KCNIP4: variants seen among roughly 807,000 people sequenced by gnomAD.
KCNIP4 encodes potassium voltage-gated channel interacting protein 4.
In KCNIP4, 12 loss-of-function variants were observed where a neutral mutation model predicts 34.0. The observed-to-expected ratio is 0.35, with a 90% CI of 0.23 to 0.57. The LOEUF (loss-of-function observed/expected upper bound fraction) is 0.57. Among genes scored for constraint, KCNIP4 ranks in the 20% least tolerant of loss-of-function variants. The pLI is 0.83. For synonymous variants in KCNIP4, 124 were observed against 102.2 expected, an observed-to-expected ratio of 1.21 and a Z score of -1.29; for missense variants, 238 against 311.7, an observed-to-expected ratio of 0.76 and a Z score of 1.78.
intron 1 of KCNIP4, among the ~76,000 whole-genome samples, chr4:21,302,720 C>T (rs980567694): frequency 7.9e-5 from 12 of 152,074 alleles, no homozygotes; most frequent in Non-Finnish European, 8.8e-5. Context: ...CTGCATCCCC[C>T]GCCCCATGAG....
At chr4:20,777,806 G>A (rs975074012) in intron 3 of KCNIP4, among the ~76,000 whole-genome samples, 7 of 152,204 alleles carry the variant, frequency 4.6e-5, no homozygotes, top group African/African-American at 7.2e-5. Flanking sequence ...TGGGAAACCA[G>A]TAATTAGAAA....
intron 1 of KCNIP4, among the ~76,000 whole-genome samples, chr4:21,343,744 G>A (rs866387943): frequency 3.3e-5 from 5 of 152,016 alleles, no homozygotes; most frequent in African/African-American, 7.2e-5. Flanking sequence ...CATTTTTAAA[G>A]GTCCCCTGTA....
chr4:20,965,380 T>G (rs1441174748), intron 1 of KCNIP4, among the ~76,000 whole-genome samples: 9 of 152,144 alleles, frequency 5.9e-5, no homozygotes, highest in Admixed American at 5.9e-4. Flanking sequence ...ACTGACACCA[T>G]TTATAATGAA....
At chr4:21,059,732 A>G (rs1424048119) in intron 1 of KCNIP4, among the ~76,000 whole-genome samples, 1 of 152,048 alleles carries the variant, frequency 6.6e-6, no homozygotes, top group Non-Finnish European at 1.5e-5. Flanking sequence ...AACTACAAGA[A>G]GATGTTTAAC....
intron 1 of KCNIP4, among the ~76,000 whole-genome samples, chr4:21,435,589 C>T (rs1163353849): frequency 6.6e-6 from 1 of 152,108 alleles, no homozygotes; most frequent in African/African-American, 2.4e-5. Flanking sequence ...ATGGGCAGAA[C>T]ACGGATTCTT....
At chr4:20,993,046 A>AAG (rs1414169355) in intron 1 of KCNIP4, among the ~76,000 whole-genome samples, 1 of 151,204 alleles carries the variant, frequency 6.6e-6, no homozygotes, top group Non-Finnish European at 1.5e-5. Flanking sequence ...AAAAAAAAAA[A>AAG]AAAAAGAGAG....
At chr4:21,137,476 C>T (rs533205596) in intron 1 of KCNIP4, among the ~76,000 whole-genome samples, 1 of 151,972 alleles carries the variant, frequency 6.6e-6, no homozygotes, top group Non-Finnish European at 1.5e-5. Context: ...TTTGAAGATG[C>T]CATATCTTTA....
At chr4:21,715,811 G>A (rs1324725243) in intron 1 of KCNIP4, among the ~76,000 whole-genome samples, 1 of 152,144 alleles carries the variant, frequency 6.6e-6, no homozygotes, top group Non-Finnish European at 1.5e-5. Flanking sequence ...CTTTCTTCCT[G>A]AAAATCTCTA....
intron 2 of KCNIP4, among the ~76,000 whole-genome samples, chr4:20,864,108 GTA>G (rs879755355): frequency 0.022 from 3,266 of 150,212 alleles, 41 homozygotes; most frequent in Non-Finnish European, 0.033. Context: ...ACGTATGTAT[GTA>G]TACATATCCA....
chr4:21,133,753 A>G (rs1751282502), intron 1 of KCNIP4, among the ~76,000 whole-genome samples: 1 of 152,152 alleles, frequency 6.6e-6, no homozygotes, highest in African/African-American at 2.4e-5. Flanking sequence ...ATCTCAGTGA[A>G]ACTCATGAGA....
intron 1 of KCNIP4, among the ~76,000 whole-genome samples, chr4:21,529,212 A>G (rs1030196567): frequency 6.6e-6 from 1 of 152,190 alleles, no homozygotes; most frequent in Non-Finnish European, 1.5e-5. Flanking sequence ...GACCCCTACT[A>G]TAGACAAATG....
intron 1 of KCNIP4, among the ~76,000 whole-genome samples, chr4:21,652,684 A>G (rs1317983630): frequency 6.6e-6 from 1 of 152,204 alleles, no homozygotes; most frequent in African/African-American, 2.4e-5. Flanking sequence ...AGCCTGGTAC[A>G]TGTTTTAACT....
At chr4:21,571,998 T>A (rs1740402470) in intron 1 of KCNIP4, among the ~76,000 whole-genome samples, 1 of 152,146 alleles carries the variant, frequency 6.6e-6, no homozygotes, top group South Asian at 2.1e-4. Flanking sequence ...TATAGGTATT[T>A]TAGATATATA....
intron 1 of KCNIP4, among the ~76,000 whole-genome samples, chr4:21,856,581 G>T (rs1238463402): frequency 6.6e-6 from 1 of 152,170 alleles, no homozygotes; most frequent in Non-Finnish European, 1.5e-5. Context: ...CCCAGCTGTG[G>T]CTGCAGACCT....
chr4:21,282,386 T>C (rs1048880207), intron 1 of KCNIP4, among the ~76,000 whole-genome samples: 4 of 152,168 alleles, frequency 2.6e-5, no homozygotes, highest in Non-Finnish European at 4.4e-5. Flanking sequence ...AGTTCAGGAC[T>C]GTGATCTCTT....
intron 1 of KCNIP4, among the ~76,000 whole-genome samples, chr4:21,514,086 G>A (rs1441245678): frequency 6.6e-6 from 1 of 152,170 alleles, no homozygotes; most frequent in Non-Finnish European, 1.5e-5. Context: ...TATTAGCCTT[G>A]TGTTGTCACT....
chr4:21,594,579 G>A (rs181404184), intron 1 of KCNIP4, among the ~76,000 whole-genome samples: 4 of 152,150 alleles, frequency 2.6e-5, no homozygotes, highest in Admixed American at 2.0e-4. Context: ...TTATAATGGG[G>A]AGGAGGGATG....
In KCNIP4 at chr4:20,740,771, C is replaced by T. The variant is rs187700276; in HGVS notation, c.430-6036G>A. On this transcript the variant is annotated intron_variant, in intron 5 of 8. Transcript: ENST00000382152. ...GGCTAAACGCACCAATTAAAAGACA[C>T]AAACTGGCAAATAGGATTGTCAAGA... 1.1e-4 allele frequency among the ~76,000 whole-genome samples: 16 copies of T among 152,244 alleles called. No homozygotes were observed. In the East Asian group the frequency reaches 3.1e-3, roughly 29 times the overall value.
At chr4:21,899,598 A>G (rs1389926534) in intron 1 of KCNIP4, among the ~76,000 whole-genome samples, 2 of 152,156 alleles carry the variant, frequency 1.3e-5, no homozygotes, top group African/African-American at 4.8e-5. Flanking sequence ...AAGTTGCAGG[A>G]TACAAAATTA....
Sources: gnomAD v4.1 joint callset for allele counts (sites outside exome capture counted in the v4.1 genomes callset) on GRCh38, gnomAD v4.1.1 for gene constraint, MANE v1.5 for transcripts, NCBI Gene and HGNC (gene_info 2026-07-23, HGNC 2026-07-21) for gene names.